EVL: variants seen among roughly 807,000 people sequenced by gnomAD.
EVL encodes Enah/Vasp-like, also known as ena/VASP-like protein.
A neutral mutation model predicts 59.6 loss-of-function variants in EVL; 21 were observed. The ratio of observed to expected loss-of-function variants is 0.35; its 90% CI spans 0.25 to 0.51. The LOEUF is 0.51. EVL is among the 20% of genes least tolerant of loss of function. The pLI, the probability that EVL is intolerant of heterozygous loss-of-function variation, is 0.97. For missense variants in EVL, 462 were observed against 546.6 expected (o/e 0.85, Z 1.54); for synonymous variants, 198 against 203.5 (o/e 0.97, Z 0.23).
intron 1 of EVL, among the ~76,000 whole-genome samples, chr14:99,984,522 G>T (rs1342250490): frequency 2.0e-5 from 3 of 152,118 alleles, no homozygotes; most frequent in Non-Finnish European, 4.4e-5. Flanking sequence ...AATTGAGAAG[G>T]TTGTACAGAG....
At chr14:100,068,147 G>T (rs991608512) in intron 1 of EVL, among the ~76,000 whole-genome samples, 1 of 152,112 alleles carries the variant, frequency 6.6e-6, no homozygotes, top group Non-Finnish European at 1.5e-5. Flanking sequence ...AGAGTGACTG[G>T]GCCACGCCTT....
chr14:100,122,959 C>T (rs1021455818), intron 3 of EVL, among the ~76,000 whole-genome samples: 3 of 152,190 alleles, frequency 2.0e-5, no homozygotes, highest in African/African-American at 7.2e-5. Context: ...CCTTCCCACC[C>T]GCAGCTCCAG....
intron 1 of EVL, among the ~76,000 whole-genome samples, chr14:100,022,588 T>C (rs963569562): frequency 2.0e-5 from 3 of 152,126 alleles, no homozygotes; most frequent in African/African-American, 4.8e-5. Flanking sequence ...CTGGCCACAT[T>C]CGTTTTTAAA....
chr14:100,125,247 CA>C, intron 4 of EVL, among the ~76,000 whole-genome samples: 1 of 136,748 alleles, frequency 7.3e-6, no homozygotes, highest in African/African-American at 2.9e-5. Context: ...TGCCCCAAGG[CA>C]GGAATACACA....
rs539082745 is a variant in EVL at position 100,018,382 on chromosome 14, G to T, written c.5+46325G>T. Reference sequence around the variant, plus strand: ...CTAACTGAATTTGAAGGTGTGTGAAGAGTTTTAGTGGAAGAAAGAATTGGA... The same window carrying T: ...CTAACTGAATTTGAAGGTGTGTGAATAGTTTTAGTGGAAGAAAGAATTGGA... On this transcript the variant is annotated intron_variant, in intron 1 of 13. Coordinates refer to the EVL transcript ENST00000402714. Among the ~76,000 whole-genome samples the T allele has an allele frequency of 2.0e-5, 3 of 152,366 alleles. No individual in the cohort carries two copies. The South Asian group carries it at 6.2e-4, about 32-fold the overall frequency.
intron 1 of EVL, among the ~76,000 whole-genome samples, chr14:100,075,253 C>T (rs1038700494): frequency 1.3e-5 from 2 of 152,170 alleles, no homozygotes; most frequent in East Asian, 1.9e-4. Flanking sequence ...TCCTGTGTGC[C>T]GGGCCTTGTC....
Position 100,072,317 on chromosome 14 carries a change from C to T in EVL, c.11+6806C>T, listed in dbSNP as rs115191968. Among the ~76,000 whole-genome samples, 820 of 152,336 alleles carry T rather than the reference C, an allele frequency of 5.4e-3. 7 individuals carry two copies. The highest frequency in any genetic ancestry group is 0.019 in the African/African-American group (771 of 41,566). On this transcript the variant is annotated intron_variant, in intron 1 of 13. Coordinates refer to ENST00000392920, the MANE Select transcript of EVL (RefSeq NM_016337.3). ...TCCGCTCAGTGCATCCTACACCTCC[C>T]TGTGCCTCCTGGGTTCAAGCAGTTC...
intron 1 of EVL, among the ~76,000 whole-genome samples, chr14:100,034,482 T>C (rs1209008880): frequency 2.0e-5 from 3 of 151,946 alleles, no homozygotes; most frequent in East Asian, 3.9e-4. Context: ...AGAAAATCTT[T>C]AGGTCAAAAT....
intron 1 of EVL, among the ~76,000 whole-genome samples, chr14:100,016,293 G>A (rs2767358): frequency 0.061 from 9,311 of 152,166 alleles, 479 homozygotes; most frequent in East Asian, 0.28. Flanking sequence ...CACTTTGGGA[G>A]GCCGAGGAGG....
At chr14:100,053,421 G>A (rs913886099) in intron 1 of EVL, among the ~76,000 whole-genome samples, 5 of 146,378 alleles carry the variant, frequency 3.4e-5, no homozygotes, top group Non-Finnish European at 7.5e-5. Context: ...TTTCTTTATC[G>A]TCGTTTTAAA....
intron 1 of EVL, among the ~76,000 whole-genome samples, chr14:100,003,128 C>T (rs2060956047): frequency 6.6e-6 from 1 of 152,100 alleles, no homozygotes; most frequent in African/African-American, 2.4e-5. Flanking sequence ...CAAAATCGAC[C>T]CTTACAATCT....
In EVL at chr14:100,143,873, C is replaced by T. The variant is rs1889363979; in HGVS notation, c.*135C>T. 1 of 1,041,036 alleles carries T rather than the reference C, an allele frequency of 9.6e-7. No homozygotes were observed. The highest frequency in any genetic ancestry group is 1.6e-5 in the South Asian group (1 of 64,086). The allele number at this position is 1,041,036 out of a possible 1,614,324, so 64.5% of individuals were successfully genotyped here. A position where few individuals can be genotyped will look rare whatever the true frequency, so the allele number is the denominator to read the frequency against. ...GCGCGCTGCTGTGAAACGTCCTGAC[C>T]TGTGATCACACATGACAGTGAGGAA... On this transcript the variant is annotated 3_prime_UTR_variant, in exon 14 of 14. Coordinates refer to ENST00000392920, the MANE Select transcript of EVL (RefSeq NM_016337.3).
At chr14:100,142,035 T>TC (rs1425830642) in intron 13 of EVL, 1 of 392,444 alleles carries the variant, frequency 2.5e-6, no homozygotes, top group African/African-American at 2.0e-5. Flanking sequence ...ACCTTCCACA[T>TC]CCCCGGCACC....
intron 11 of EVL, 46 bp from the exon 12 acceptor site, chr14:100,141,134 C>A (rs369835034): frequency 1.3e-6 from 2 of 1,599,450 alleles, no homozygotes; most frequent in East Asian, 2.2e-5. Context: ...AGCTTTCCCC[C>A]ACACCTGTCT....
chr14:100,126,639 CA>C, intron 4 of EVL, 67 bp from the exon 5 acceptor site: 1 of 1,565,738 alleles, frequency 6.4e-7, no homozygotes, highest in Non-Finnish European at 8.8e-7. Context: ...GCGGGTACAG[CA>C]CAGGCACAGA....
At chr14:100,025,504 T>C (rs944797865) in intron 1 of EVL, among the ~76,000 whole-genome samples, 3 of 152,234 alleles carry the variant, frequency 2.0e-5, no homozygotes, top group Non-Finnish European at 2.9e-5. Flanking sequence ...GGGCACTCCC[T>C]TTCTTTTTAC....
At chr14:100,119,669 C>T (rs1887573183) in intron 3 of EVL, among the ~76,000 whole-genome samples, 1 of 152,234 alleles carries the variant, frequency 6.6e-6, no homozygotes, top group South Asian at 2.1e-4. Context: ...ATTTCCAGCA[C>T]TTTATGGATT....
intron 1 of EVL, among the ~76,000 whole-genome samples, chr14:99,989,872 T>C (rs1171205556): frequency 6.6e-6 from 1 of 152,208 alleles, no homozygotes; most frequent in African/African-American, 2.4e-5. Context: ...CTTGTAGTAG[T>C]AAGTCAGTCC....
At chr14:100,140,189 GAT>G (rs2140407739) in intron 11 of EVL, 1 of 152,308 alleles carries the variant, frequency 6.6e-6, no homozygotes, top group South Asian at 2.1e-4. Flanking sequence ...AGTGAGGCAT[GAT>G]ACGCCTCTGT....
Sources: gnomAD v4.1 joint callset for allele counts (sites outside exome capture counted in the v4.1 genomes callset) on GRCh38, gnomAD v4.1.1 for gene constraint, MANE v1.5 for transcripts, NCBI Gene and HGNC (gene_info 2026-07-23, HGNC 2026-07-21) for gene names.